ANGPT1: variants seen among roughly 807,000 people sequenced by gnomAD.
ANGPT1 encodes the protein angiopoietin-1.
A neutral mutation model predicts 62.2 loss-of-function variants in ANGPT1; 17 were observed. That is an observed-to-expected ratio of 0.27 (90% CI 0.19 to 0.41). The LOEUF (loss-of-function observed/expected upper bound fraction) is 0.41, where lower values mean the gene tolerates loss of function less well. Ranked by LOEUF, ANGPT1 falls within the 10% of genes least tolerant of loss-of-function variation. The pLI is 1.00. For synonymous variants in ANGPT1, 199 were observed against 198.9 expected, an observed-to-expected ratio of 1.00 and a Z score of 0.00; for missense variants, 478 against 594.9, an observed-to-expected ratio of 0.80 and a Z score of 2.04.
chr8:107,258,382 A>G (rs1813418347), intron 8 of ANGPT1, among the ~76,000 whole-genome samples: 1 of 152,174 alleles, frequency 6.6e-6, no homozygotes, highest in South Asian at 2.1e-4. Flanking sequence ...GAAGCTTCAT[A>G]TATGTTATTA....
At chr8:107,356,356 A>C (rs2130189082) in intron 1 of ANGPT1, among the ~76,000 whole-genome samples, 1 of 152,334 alleles carries the variant, frequency 6.6e-6, no homozygotes, top group East Asian at 1.9e-4. Context: ...CTGTTCATTG[A>C]GACTGCTTAT....
chr8:107,257,280 C>T (rs1291775001), intron 8 of ANGPT1, among the ~76,000 whole-genome samples: 1 of 152,210 alleles, frequency 6.6e-6, no homozygotes, highest in Non-Finnish European at 1.5e-5. Context: ...TTCATTTACA[C>T]TTAACTCATT....
At chr8:107,294,179 G>A in intron 5 of ANGPT1, 142 bp from the exon 6 acceptor site, 1 of 507,288 alleles carries the variant, frequency 2.0e-6, no homozygotes, top group Non-Finnish European at 3.4e-6. Context: ...TGTTAATTTA[G>A]ATATATTATT....
intron 1 of ANGPT1, among the ~76,000 whole-genome samples, chr8:107,475,459 A>G (rs1290379950): frequency 6.6e-6 from 1 of 152,084 alleles, no homozygotes; most frequent in African/African-American, 2.4e-5. Context: ...AGACTTAACC[A>G]TTAGACCTAA....
intron 8 of ANGPT1, among the ~76,000 whole-genome samples, chr8:107,260,397 C>T (rs2130017888): frequency 6.6e-6 from 1 of 152,132 alleles, no homozygotes; most frequent in South Asian, 2.1e-4. Flanking sequence ...CTATGAGTTA[C>T]TAGCTCCAAA....
intron 7 of ANGPT1, among the ~76,000 whole-genome samples, chr8:107,266,124 T>G (rs1259512739): frequency 6.6e-6 from 1 of 152,170 alleles, no homozygotes; most frequent in African/African-American, 2.4e-5. Flanking sequence ...TAACTGGTGA[T>G]GCAAAATTGT....
intron 1 of ANGPT1, among the ~76,000 whole-genome samples, chr8:107,390,399 TA>T (rs60086690): frequency 0.13 from 20,141 of 152,146 alleles, 1,543 homozygotes; most frequent in African/African-American, 0.21. Context: ...CAGTCTGGTT[TA>T]AAATATTGAG....
chr8:107,369,712 T>C (rs532598190), intron 1 of ANGPT1, among the ~76,000 whole-genome samples: 35 of 152,044 alleles, frequency 2.3e-4, no homozygotes, highest in African/African-American at 7.7e-4. Flanking sequence ...GGGAGGCCCA[T>C]TGAGAGGGAG....
At chr8:107,315,221 T>C (rs947669182) in intron 4 of ANGPT1, among the ~76,000 whole-genome samples, 1 of 152,194 alleles carries the variant, frequency 6.6e-6, no homozygotes, top group Non-Finnish European at 1.5e-5. Flanking sequence ...TGTGATAATG[T>C]GAAATGATTC....
At chr8:107,421,032 C>T (rs1478943972) in intron 1 of ANGPT1, among the ~76,000 whole-genome samples, 2 of 151,938 alleles carry the variant, frequency 1.3e-5, no homozygotes, top group Admixed American at 6.6e-5. Context: ...CAGAATAATT[C>T]TTCTATTTGG....
intron 5 of ANGPT1, among the ~76,000 whole-genome samples, chr8:107,298,204 T>C (rs1246188241): frequency 2.6e-5 from 4 of 151,940 alleles, no homozygotes; most frequent in Non-Finnish European, 5.9e-5. Context: ...TTTTTATACT[T>C]TTATGTTCCA....
intron 1 of ANGPT1, among the ~76,000 whole-genome samples, chr8:107,439,957 G>A (rs190825851): frequency 6.4e-4 from 98 of 152,286 alleles, no homozygotes; most frequent in Admixed American, 2.0e-3. Context: ...TTGGAATGGG[G>A]AGGGGATGCC....
intron 7 of ANGPT1, among the ~76,000 whole-genome samples, chr8:107,282,430 A>G (rs1445145260): frequency 4.4e-5 from 1 of 22,876 alleles, no homozygotes; most frequent in African/African-American, 2.8e-4. Context: ...ATGTATATAT[A>G]TGTGTGTATG....
intron 1 of ANGPT1, among the ~76,000 whole-genome samples, chr8:107,389,888 T>G (rs558843402): frequency 1.3e-3 from 192 of 152,082 alleles, no homozygotes; most frequent in Non-Finnish European, 6.5e-4. Flanking sequence ...CCTCTGTACA[T>G]TCTTCATTCT....
At chr8:107,312,524 A>G (rs1022436787) in intron 4 of ANGPT1, among the ~76,000 whole-genome samples, 3 of 152,238 alleles carry the variant, frequency 2.0e-5, no homozygotes, top group Admixed American at 6.5e-5. Flanking sequence ...ACAAAATTCC[A>G]CTTTGAAGTT....
At chr8:107,342,895 G>A (rs568478494) in intron 2 of ANGPT1, among the ~76,000 whole-genome samples, 1 of 151,816 alleles carries the variant, frequency 6.6e-6, no homozygotes, top group South Asian at 2.1e-4. Flanking sequence ...GAGTGCAGTG[G>A]TGTGATCACA....
intron 1 of ANGPT1, among the ~76,000 whole-genome samples, chr8:107,455,161 C>A (rs936760732): frequency 2.6e-5 from 4 of 152,042 alleles, no homozygotes; most frequent in Non-Finnish European, 2.9e-5. Flanking sequence ...AGGACAAGAC[C>A]TTTTTGGTTC....
intron 1 of ANGPT1, among the ~76,000 whole-genome samples, chr8:107,456,015 C>T (rs1445807693): frequency 2.0e-5 from 3 of 151,912 alleles, no homozygotes; most frequent in Admixed American, 6.6e-5. Context: ...AAATGTACCT[C>T]GGAGATCTGG....
chr8:107,391,809 A>G (rs181393907), intron 1 of ANGPT1, among the ~76,000 whole-genome samples: 44 of 152,322 alleles, frequency 2.9e-4, no homozygotes, highest in African/African-American at 1.1e-3. Flanking sequence ...ACCACATGTT[A>G]GTACACTGAA....
Sources: gnomAD v4.1 joint callset for allele counts (sites outside exome capture counted in the v4.1 genomes callset) on GRCh38, gnomAD v4.1.1 for gene constraint, MANE v1.5 for transcripts, NCBI Gene and HGNC (gene_info 2026-07-23, HGNC 2026-07-21) for gene names.